DDR2: variants seen among roughly 807,000 people sequenced by gnomAD.
The protein encoded by DDR2 is discoidin domain-containing receptor 2.
In DDR2, 27 loss-of-function variants were observed where a neutral mutation model predicts 94.9. The observed-to-expected ratio is 0.28, with a 90% CI of 0.21 to 0.39. The LOEUF is 0.39. Among genes scored for constraint, DDR2 ranks in the 10% least tolerant of loss-of-function variants. The pLI is 1.00. For synonymous variants in DDR2, 382 were observed against 377.2 expected (o/e 1.01, Z -0.15); for missense variants, 783 against 1,076.0 (o/e 0.73, Z 3.81).
chr1:162,780,009 G>C, intron 17 of DDR2, 103 bp from the exon 18 acceptor site: 1 of 1,551,560 alleles, frequency 6.4e-7, no homozygotes, highest in Admixed American at 1.7e-5. Flanking sequence ...AAAGTGGGCA[G>C]GGGGCAAATC....
intron 2 of DDR2, among the ~76,000 whole-genome samples, chr1:162,700,866 G>A (rs1660399256): frequency 1.3e-5 from 2 of 152,310 alleles, no homozygotes; most frequent in South Asian, 4.1e-4. Context: ...GGTTGAGACA[G>A]AAAAGGAAAC....
intron 11 of DDR2, 82 bp from the exon 12 acceptor site, chr1:162,770,220 T>G: frequency 2.3e-6 from 3 of 1,330,686 alleles, no homozygotes; most frequent in Non-Finnish European, 3.2e-6. Context: ...TTCATTTGAG[T>G]GGGAGAGCTG....
chr1:162,697,289 A>G (rs1660238526), intron 2 of DDR2, among the ~76,000 whole-genome samples: 1 of 152,236 alleles, frequency 6.6e-6, no homozygotes, highest in Non-Finnish European at 1.5e-5. Context: ...GAGCACCTCA[A>G]CTATTGGAGC....
At chr1:162,731,010 C>G (rs989915071) in intron 3 of DDR2, among the ~76,000 whole-genome samples, 2 of 152,246 alleles carry the variant, frequency 1.3e-5, no homozygotes, top group African/African-American at 4.8e-5. Context: ...CCTCACCTCT[C>G]TGAGATTCTC....
At chr1:162,633,432 G>T (rs1007793568) in intron 1 of DDR2, among the ~76,000 whole-genome samples, 1 of 152,278 alleles carries the variant, frequency 6.6e-6, no homozygotes, top group Admixed American at 6.5e-5. Flanking sequence ...CCATTTTGCC[G>T]ATCATTGGCT....
intron 7 of DDR2, among the ~76,000 whole-genome samples, chr1:162,756,039 TA>T (rs1229386338): frequency 6.6e-6 from 1 of 152,150 alleles, no homozygotes; most frequent in African/African-American, 2.4e-5. Context: ...CTAAGTATAA[TA>T]GCCATATTTT....
intron 3 of DDR2, chr1:162,741,508 T>A: frequency 1.2e-6 from 1 of 817,760 alleles, no homozygotes; most frequent in Non-Finnish European, 1.5e-6. Flanking sequence ...CTACATAGGG[T>A]TATTGCAAGG....
intron 6 of DDR2, 41 bp downstream of exon 6, chr1:162,755,344 A>T: frequency 6.2e-7 from 1 of 1,611,772 alleles, no homozygotes; most frequent in Non-Finnish European, 8.5e-7. Context: ...TTTATTAAAA[A>T]CTCCAACTTC....
At chr1:162,748,311 C>T (rs1571283457) in intron 3 of DDR2, among the ~76,000 whole-genome samples, 1 of 152,026 alleles carries the variant, frequency 6.6e-6, no homozygotes, top group East Asian at 1.9e-4. Flanking sequence ...GGAAGATCCA[C>T]CAAGCAAATG....
chr1:162,653,118 GCAAACAAA>G, intron 1 of DDR2, among the ~76,000 whole-genome samples: 1 of 2,656 alleles, frequency 3.8e-4, no homozygotes, highest in Non-Finnish European at 4.0e-3. Context: ...AAACAAACAA[GCAAACAAA>G]CAAACAAAGA....
At chr1:162,716,302 G>T (rs2102024338) in intron 2 of DDR2, among the ~76,000 whole-genome samples, 1 of 152,262 alleles carries the variant, frequency 6.6e-6, no homozygotes, top group East Asian at 1.9e-4. Flanking sequence ...AGACTGCTAG[G>T]AGAGGGCGGT....
chr1:162,747,321 C>T (rs1419156758), intron 3 of DDR2, among the ~76,000 whole-genome samples: 1 of 152,086 alleles, frequency 6.6e-6, no homozygotes, highest in African/African-American at 2.4e-5. Context: ...TAGAGAAGAC[C>T]TTAAGTGACC....
chr1:162,775,887 G>T (rs1363843550), intron 15 of DDR2, 44 bp downstream of exon 15: 1 of 1,609,868 alleles, frequency 6.2e-7, no homozygotes, highest in African/African-American at 1.3e-5. Flanking sequence ...GGTCATGAGA[G>T]TAACCTGGGA....
chr1:162,771,704 A>G lies in DDR2; in HGVS notation c.1505-320A>G, dbSNP rs114709183. 1.0e-2 allele frequency among the ~76,000 whole-genome samples: 1,516 copies of G among 152,296 alleles called. 15 individuals are homozygous for G. The highest frequency in any genetic ancestry group is 0.017 in the Middle Eastern group (5 of 294). On this transcript the variant is annotated intron_variant, in intron 12 of 17. Coordinates refer to ENST00000367921, the MANE Select transcript of DDR2 (RefSeq NM_006182.4). ...TAAAATTAAGGAAATAAGTTATTAA[A>G]CCTTCAACCTTTAATATTCCCACCC...
At chr1:162,747,067 G>C (rs1382745458) in intron 3 of DDR2, among the ~76,000 whole-genome samples, 3 of 152,172 alleles carry the variant, frequency 2.0e-5, no homozygotes, top group Non-Finnish European at 4.4e-5. Flanking sequence ...GGAGAAACCA[G>C]AGCAGAAAAG....
intron 13 of DDR2, among the ~76,000 whole-genome samples, chr1:162,773,186 A>G (rs1331460496): frequency 6.6e-6 from 1 of 152,220 alleles, no homozygotes; most frequent in African/African-American, 2.4e-5. Context: ...ATATTGGGCT[A>G]TGCTGTAATA....
intron 2 of DDR2, among the ~76,000 whole-genome samples, chr1:162,718,622 T>A (rs1439587114): frequency 6.6e-6 from 1 of 152,194 alleles, no homozygotes; most frequent in African/African-American, 2.4e-5. Flanking sequence ...ATTGAACTTA[T>A]ATGTTTTGAA....
intron 1 of DDR2, among the ~76,000 whole-genome samples, chr1:162,639,466 T>TA (rs1487619732): frequency 6.6e-6 from 1 of 152,212 alleles, no homozygotes; most frequent in Non-Finnish European, 1.5e-5. Context: ...GTATAAACCT[T>TA]ACATCCTTCA....
At chr1:162,673,952 G>A (rs969818670) in intron 2 of DDR2, among the ~76,000 whole-genome samples, 1 of 151,904 alleles carries the variant, frequency 6.6e-6, no homozygotes, top group African/African-American at 2.4e-5. Flanking sequence ...TCTCTCTCTA[G>A]GTAATCTCTC....
Sources: allele counts gnomAD v4.1 joint callset (sites outside exome capture counted in the v4.1 genomes callset), GRCh38; gene constraint gnomAD v4.1.1; transcripts MANE v1.5; gene names NCBI Gene and HGNC (gene_info 2026-07-23, HGNC 2026-07-21).